The following MED16 variants were observed in gnomAD, a reference collection of about 807,000 sequenced individuals.
MED16 encodes mediator complex subunit 16, also known as mediator of RNA polymerase II transcription subunit 16.
MED16 carries 81 observed loss-of-function variants against 84.4 expected under a neutral mutation model. The observed-to-expected ratio is 0.96, with a 90% CI of 0.80 to 1.15. The LOEUF (loss-of-function observed/expected upper bound fraction) is 1.15, where lower values mean the gene tolerates loss of function less well. Among genes scored for constraint, MED16 ranks in the 50% most tolerant of loss-of-function variants. The pLI is 0.00. For missense variants in MED16, 1,585 were observed against 1,245.9 expected, an observed-to-expected ratio of 1.27 and a Z score of -4.10; for synonymous variants, 897 against 552.2, an observed-to-expected ratio of 1.62 and a Z score of -8.76.
At chr19:869,427 C>A (rs2035994843) in intron 13 of MED16, among the ~76,000 whole-genome samples, 5 of 150,054 alleles carry the variant, frequency 3.3e-5, no homozygotes, top group African/African-American at 1.2e-4. Context: ...GGGTGGGGGA[C>A]CTGGGTCTGG....
intron 4 of MED16, among the ~76,000 whole-genome samples, 167 bp from the exon 5 acceptor site, chr19:886,368 G>A (rs947892010): frequency 1.3e-5 from 2 of 152,216 alleles, no homozygotes; most frequent in Non-Finnish European, 2.9e-5. Flanking sequence ...GATCCCCTCT[G>A]ACCCTCCGTC....
intron 7 of MED16, 107 bp from the exon 8 acceptor site, chr19:880,255 G>A: frequency 9.4e-7 from 1 of 1,067,490 alleles, no homozygotes; most frequent in Admixed American, 3.6e-5. Flanking sequence ...TGCCCATCCA[G>A]GGGGTCAGCC....
At chr19:876,863 G>GGCCCC (rs1178671320) in intron 9 of MED16, 111 bp downstream of exon 9, 3 of 887,938 alleles carry the variant, frequency 3.4e-6, no homozygotes, top group African/African-American at 4.0e-5. Flanking sequence ...CCTGGCACGG[G>GGCCCC]ACCACCTGCC....
rs530035162 is a variant in MED16, at chr19:868,128, G to A, written c.2607C>T (p.Asp869=). 3.1e-6 allele frequency: 5 copies of A among 1,611,680 alleles called. No homozygotes were observed. Among genetic ancestry groups the A allele is most frequent in the East Asian group, 2.2e-5 (1 of 44,878 alleles). The part of the protein sequence containing the change: ...HHSPRTPRSL[D]HLHPEDRP Reference sequence around the variant, plus strand: ...ACGGACGGTCCTCTGGATGCAGATGGTCCAGGGATCTGGGGGTCCTGGGAG... The same window carrying A: ...ACGGACGGTCCTCTGGATGCAGATGATCCAGGGATCTGGGGGTCCTGGGAG... Residue 869 remains aspartate (D), a synonymous_variant, in exon 16 of 16, where the codon GAC becomes GAT. Transcript: ENST00000325464.
At chr19:883,213 G>T (rs1026873782) in intron 6 of MED16, among the ~76,000 whole-genome samples, 2 of 152,104 alleles carry the variant, frequency 1.3e-5, no homozygotes, top group African/African-American at 4.8e-5. Context: ...TGAAGAGCTG[G>T]GCATGGTAGG....
chr19:890,684 A>T (rs909106558), intron 2 of MED16, among the ~76,000 whole-genome samples: 1 of 152,216 alleles, frequency 6.6e-6, no homozygotes, highest in Non-Finnish European at 1.5e-5. Context: ...AAACTGGGGC[A>T]CGTGTCTCCA....
intron 13 of MED16, among the ~76,000 whole-genome samples, chr19:869,864 G>A (rs2036004655): frequency 6.6e-6 from 1 of 152,228 alleles, no homozygotes; most frequent in Non-Finnish European, 1.5e-5. Flanking sequence ...ACGGGCCTGG[G>A]TTCAAATCCT....
In MED16 at chr19:871,182, G is replaced by A; in HGVS notation, c.2170C>T (p.Leu724=). Residue 724 remains leucine (L), a synonymous_variant, in exon 13 of 16, where the codon CTG becomes TTG. Coordinates refer to ENST00000325464, the MANE Select transcript of MED16 (RefSeq NM_005481.3). ...VDECCLLPSQ[L]LIPSLDWLPA... is the part of the protein sequence containing the mutation. ...AGCCAGTCCAGGCTGGGGATAAGCA[G>A]CTGGCTGGGCAGCAGGCAGCATTCA... The A allele has an allele frequency of 6.5e-7, 1 of 1,549,624 alleles. No homozygotes were observed. Among genetic ancestry groups the A allele is most frequent in the Non-Finnish European group, 8.7e-7 (1 of 1,146,418 alleles).
At chr19:878,128 T>C in intron 8 of MED16, among the ~76,000 whole-genome samples, 1 of 80,228 alleles carries the variant, frequency 1.2e-5, no homozygotes, top group East Asian at 4.2e-4. Flanking sequence ...CACCTTCCCC[T>C]GGTTGTCAAT....
chr19:868,610 T>C, intron 14 of MED16, 111 bp from the exon 15 acceptor site: 1 of 1,414,788 alleles, frequency 7.1e-7, no homozygotes, highest in Non-Finnish European at 9.6e-7. Context: ...CCCTCACGCC[T>C]GCTCCCCACG....
intron 4 of MED16, among the ~76,000 whole-genome samples, chr19:888,920 G>A (rs898390028): frequency 6.6e-6 from 1 of 152,198 alleles, no homozygotes; most frequent in Non-Finnish European, 1.5e-5. Context: ...CGAAGCTGGG[G>A]TGGCTGTGAG....
intron 6 of MED16, among the ~76,000 whole-genome samples, chr19:881,980 G>A (rs371971471): frequency 1.3e-5 from 2 of 152,224 alleles, no homozygotes; most frequent in Non-Finnish European, 2.9e-5. Context: ...TCTCACCCCC[G>A]ATGGGGCAGA....
In MED16 at chr19:885,754, G is replaced by A. The variant is rs1486991258; in HGVS notation, c.879+16C>T. On this transcript the variant is annotated intron_variant, in intron 5 of 15. Transcript: ENST00000325464. ...TCCAAGCCTGCCAGCCCACGTGATG[G>A]CCTGCGCCCGTTCACCTGCTCCGAC... 1.9e-6 allele frequency: 3 copies of A among 1,600,626 alleles called. No individual in the cohort carries two copies. The highest frequency in any genetic ancestry group is 2.5e-6 in the Non-Finnish European group (3 of 1,177,380).
rs1029142064 is a variant in MED16 at position 868,881 on chromosome 19, T to C, written c.2381A>G (p.Glu794Gly). ...CCCTCACCTGGTGCAGGCCTTGCAT[T>C]CCTCCGTGGGGCAAGCGCCAAGGTG... is the stretch of plus-strand genomic sequence containing the variant. Reference protein sequence around the residue: ...RLHLGACPTEECKACTRCGCV... With the variant: ...RLHLGACPTEGCKACTRCGCV... Residue 794 changes from glutamate (E) to glycine (G), a missense_variant, in exon 14 of 16, where the codon GAA becomes GGA. Glu to Gly is a moderately conservative substitution (Grantham distance 98). Coordinates refer to ENST00000325464, the MANE Select transcript of MED16 (RefSeq NM_005481.3). 1 of 1,551,034 alleles carries C rather than the reference T, an allele frequency of 6.4e-7. No homozygotes were observed.
At chr19:881,229 G>A (rs887495546) in intron 7 of MED16, among the ~76,000 whole-genome samples, 3 of 152,220 alleles carry the variant, frequency 2.0e-5, no homozygotes, top group Non-Finnish European at 4.4e-5. Context: ...ACCACATTAT[G>A]GCTGCTGCAG....
chr19:868,928 C>T lies in MED16; in HGVS notation c.2334G>A (p.Lys778=). Residue 778 remains lysine, a synonymous_variant, in exon 14 of 16, where the codon AAG becomes AAA. Coordinates refer to ENST00000325464, the MANE Select transcript of MED16 (RefSeq NM_005481.3). ...DGLARAPGQP[K]IDHLRRLHLG... The stretch of plus-strand genomic sequence containing the variant: ...GGTGCAGCCTCCGCAGGTGGTCGAT[C>T]TTGGGCTGGCCTGGGGCCCTGGCGG... The T allele has an allele frequency of 6.5e-7, 1 of 1,546,426 alleles. No homozygotes were observed. The highest frequency in any genetic ancestry group is 8.7e-7 in the Non-Finnish European group (1 of 1,151,990).
intron 15 of MED16, 42 bp downstream of exon 15, chr19:868,374 C>G (rs2035966464): frequency 6.3e-7 from 1 of 1,592,388 alleles, no homozygotes. Context: ...CAGCTGGGCT[C>G]AGGGGTAGCT....
At chr19:876,054 G>A (rs957352178) in intron 9 of MED16, among the ~76,000 whole-genome samples, 16 of 152,230 alleles carry the variant, frequency 1.1e-4, no homozygotes, top group African/African-American at 2.9e-4. Context: ...CACTGGCTAC[G>A]GATCCCAGCC....
rs766006755 is a variant in MED16, at chr19:873,431, G to A, written c.1905+18C>T. ...GGCCCAGGTGGGGGGCGGGGCCTTA[G>A]GGGAGAGCATGGCGCACCTGGTTGG... is the stretch of plus-strand genomic sequence containing the variant. On this transcript the variant is annotated intron_variant, in intron 11 of 15. Coordinates refer to ENST00000325464, the MANE Select transcript of MED16 (RefSeq NM_005481.3). 1.1e-5 allele frequency: 18 copies of A among 1,603,426 alleles called. No individual in the cohort carries two copies. Among genetic ancestry groups the A allele is most frequent in the South Asian group, 5.5e-5 (5 of 90,984 alleles).
Sources: allele counts gnomAD v4.1 joint callset (sites outside exome capture counted in the v4.1 genomes callset), GRCh38; gene constraint gnomAD v4.1.1; transcripts MANE v1.5; gene names NCBI Gene and HGNC (gene_info 2026-07-23, HGNC 2026-07-21).